The following INPP5F variants were observed in gnomAD, a reference collection of about 807,000 sequenced individuals.
The protein encoded by INPP5F is inositol polyphosphate-5-phosphatase F.
A neutral mutation model predicts 137.2 loss-of-function variants in INPP5F; 97 were observed. The ratio of observed to expected loss-of-function variants is 0.71; its 90% CI spans 0.60 to 0.84. The LOEUF is 0.84. Among genes scored for constraint, INPP5F ranks in the 40% least tolerant of loss-of-function variants. The pLI, the probability that INPP5F is intolerant of heterozygous loss-of-function variation, is 0.00. For missense variants in INPP5F, 1,271 were observed against 1,371.9 expected (o/e 0.93, Z 1.16); for synonymous variants, 504 against 476.9 (o/e 1.06, Z -0.74).
chr10:119,742,849 C>T (rs771377047), intron 1 of INPP5F, among the ~76,000 whole-genome samples: 23 of 151,968 alleles, frequency 1.5e-4, no homozygotes, highest in South Asian at 4.1e-4. Flanking sequence ...AAAATTAGCC[C>T]GGCGTGGTGG....
intron 6 of INPP5F, among the ~76,000 whole-genome samples, chr10:119,794,359 C>T (rs1341646666): frequency 6.6e-6 from 1 of 152,170 alleles, no homozygotes; most frequent in Non-Finnish European, 1.5e-5. Flanking sequence ...TCAACAGGAT[C>T]CCAAGGCAGA....
At chr10:119,819,624 C>T in intron 15 of INPP5F, 3 of 1,095,346 alleles carry the variant, frequency 2.7e-6, no homozygotes, top group Non-Finnish European at 3.8e-6. Context: ...GTCTCCTTTT[C>T]CCATTGGTTA....
chr10:119,764,576 T>A (rs1482154659), intron 2 of INPP5F, among the ~76,000 whole-genome samples: 1 of 151,732 alleles, frequency 6.6e-6, no homozygotes, highest in African/African-American at 2.4e-5. Context: ...CTCTTCCTTA[T>A]GGTTTTCTTT....
chr10:119,745,226 C>T (rs1285680009), intron 1 of INPP5F, among the ~76,000 whole-genome samples: 2 of 152,132 alleles, frequency 1.3e-5, no homozygotes, highest in Non-Finnish European at 2.9e-5. Context: ...CCCTATCCTC[C>T]ACATAGCTTC....
In INPP5F at chr10:119,726,242, C is replaced by A. The variant is rs758493833; in HGVS notation, c.-21C>A. 2.1e-6 allele frequency: 3 copies of A among 1,435,466 alleles called. No homozygotes were observed. The South Asian group carries it at 4.1e-5, about 20-fold the overall frequency. The allele number at this position is 1,435,466 out of a possible 1,614,324, so 88.9% of individuals were successfully genotyped here. ...GTGCGCCGCCCGCGGGCCGCCGCCTCCCTGGGCGCGCGGGGCCAGCATGGA... is the reference window on the plus strand; with the variant it reads ...GTGCGCCGCCCGCGGGCCGCCGCCTACCTGGGCGCGCGGGGCCAGCATGGA... On this transcript the variant is annotated 5_prime_UTR_variant, in exon 1 of 20. Coordinates refer to ENST00000650623, the MANE Select transcript of INPP5F (RefSeq NM_014937.4).
Position 119,828,244 on chromosome 10 carries a change from T to C in INPP5F, c.*464T>C. On this transcript the variant is annotated 3_prime_UTR_variant, in exon 20 of 20. Transcript: ENST00000650623. ...TGACTTTAACATGTTACTGAAGCAT[T>C]TGAATATAAAGCTATTTTAGTTTTG... is the stretch of plus-strand genomic sequence containing the variant. The C allele has an allele frequency of 6.5e-6, 1 of 154,078 alleles. No homozygotes were observed. Among genetic ancestry groups the C allele is most frequent in the Admixed American group, 6.4e-5 (1 of 15,566 alleles). 9.5% of individuals were successfully genotyped at this position (154,078 alleles called of 1,614,324 possible). A position where few individuals can be genotyped will look rare whatever the true frequency, so the allele number is the denominator to read the frequency against.
At chr10:119,744,686 G>C (rs1848477621) in intron 1 of INPP5F, among the ~76,000 whole-genome samples, 1 of 152,084 alleles carries the variant, frequency 6.6e-6, no homozygotes, top group African/African-American at 2.4e-5. Context: ...TGAGTAGCTG[G>C]GACTACAGGT....
intron 2 of INPP5F, among the ~76,000 whole-genome samples, chr10:119,775,936 C>T (rs118016727): frequency 8.5e-5 from 13 of 152,214 alleles, no homozygotes; most frequent in Non-Finnish European, 1.6e-4. Context: ...CATAAATTGC[C>T]TGGTGATACT....
chr10:119,746,333 G>A (rs1848532823), intron 1 of INPP5F, among the ~76,000 whole-genome samples: 2 of 152,068 alleles, frequency 1.3e-5, no homozygotes, highest in South Asian at 2.1e-4. Context: ...TTCCTTTTCT[G>A]TATTCCTAAA....
At chr10:119,792,091 G>A (rs749347630) in intron 5 of INPP5F, 55 bp downstream of exon 5, 2 of 1,614,138 alleles carry the variant, frequency 1.2e-6, no homozygotes, top group South Asian at 1.1e-5. Flanking sequence ...GTGATGGCCT[G>A]TTTTGGCTTT....
intron 15 of INPP5F, chr10:119,819,347 C>T (rs1378246218): frequency 9.3e-6 from 11 of 1,179,428 alleles, no homozygotes; most frequent in East Asian, 4.2e-5. Flanking sequence ...CTGCCTGTTA[C>T]GTGCCAAGTG....
At chr10:119,738,665 AC>A (rs1424833210) in intron 1 of INPP5F, among the ~76,000 whole-genome samples, 1 of 151,946 alleles carries the variant, frequency 6.6e-6, no homozygotes, top group African/African-American at 2.4e-5. Context: ...ACACACACAC[AC>A]ACACACACAC....
At chr10:119,804,091 G>A (rs181649456) in intron 9 of INPP5F, 82 bp from the exon 10 acceptor site, 2 of 979,536 alleles carry the variant, frequency 2.0e-6, no homozygotes, top group Non-Finnish European at 3.0e-6. Flanking sequence ...ACCACACTGT[G>A]ATTCTAACAT....
intron 15 of INPP5F, 39 bp from the exon 16 acceptor site, chr10:119,820,807 A>G (rs753305737): frequency 6.7e-7 from 1 of 1,502,298 alleles, no homozygotes; most frequent in Middle Eastern, 1.7e-4. Flanking sequence ...ATGCAGATGG[A>G]AATGAAAATA....
intron 2 of INPP5F, among the ~76,000 whole-genome samples, chr10:119,776,569 T>C (rs1185877880): frequency 6.6e-6 from 1 of 152,144 alleles, no homozygotes; most frequent in African/African-American, 2.4e-5. Context: ...ATTTTTGTTA[T>C]TGAATTTATT....
chr10:119,746,534 C>T (rs1361659045), intron 1 of INPP5F, among the ~76,000 whole-genome samples: 3 of 152,132 alleles, frequency 2.0e-5, no homozygotes, highest in Non-Finnish European at 4.4e-5. Context: ...TATCTTTATT[C>T]CACTGGCATT....
At chr10:119,802,076 A>G (rs541528569) in intron 9 of INPP5F, among the ~76,000 whole-genome samples, 1 of 152,248 alleles carries the variant, frequency 6.6e-6, no homozygotes, top group East Asian at 1.9e-4. Context: ...TCAGGCACGG[A>G]CCTGTGTATG....
chr10:119,736,990 A>C (rs972539860), intron 1 of INPP5F, among the ~76,000 whole-genome samples: 1 of 151,944 alleles, frequency 6.6e-6, no homozygotes, highest in African/African-American at 2.4e-5. Context: ...CACCTGGCTA[A>C]TTTTTTTACA....
At chr10:119,816,437 T>G (rs918812077) in intron 15 of INPP5F, 5 of 152,246 alleles carry the variant, frequency 3.3e-5, no homozygotes, top group African/African-American at 1.2e-4. Flanking sequence ...AACTCCTCTT[T>G]GTACAGGCAT....
Sources: gnomAD v4.1 joint callset for allele counts (sites outside exome capture counted in the v4.1 genomes callset) on GRCh38, gnomAD v4.1.1 for gene constraint, MANE v1.5 for transcripts, NCBI Gene and HGNC (gene_info 2026-07-23, HGNC 2026-07-21) for gene names.